Variants in CSNK1G1 observed in about 807,000 individuals in gnomAD.
CSNK1G1 encodes the protein casein kinase 1 gamma 1.
In CSNK1G1, 22 loss-of-function variants were observed where a neutral mutation model predicts 59.6. The observed-to-expected ratio is 0.37, with a 90% CI of 0.26 to 0.53. The LOEUF (loss-of-function observed/expected upper bound fraction) is 0.53, where lower values mean the gene tolerates loss of function less well. Among genes scored for constraint, CSNK1G1 ranks in the 20% least tolerant of loss-of-function variants. The pLI is 0.89. For synonymous variants in CSNK1G1, 179 were observed against 177.1 expected (o/e 1.01, Z -0.08); for missense variants, 384 against 519.5 (o/e 0.74, Z 2.54).
intron 1 of CSNK1G1, among the ~76,000 whole-genome samples, chr15:64,343,365 T>A (rs1002185106): frequency 6.6e-6 from 1 of 152,196 alleles, no homozygotes; most frequent in African/African-American, 2.4e-5. Flanking sequence ...TGTGCTGGCC[T>A]AGTACACTTT....
At chr15:64,187,795 C>G (rs1466813364) in intron 10 of CSNK1G1, among the ~76,000 whole-genome samples, 1 of 152,078 alleles carries the variant, frequency 6.6e-6, no homozygotes, top group Non-Finnish European at 1.5e-5. Flanking sequence ...TTAAGAGATA[C>G]CAGATGTTCT....
chr15:64,323,891 C>T (rs1566947773), intron 1 of CSNK1G1, among the ~76,000 whole-genome samples: 1 of 152,176 alleles, frequency 6.6e-6, no homozygotes, highest in Non-Finnish European at 1.5e-5. Flanking sequence ...AGACATGTCA[C>T]ATTGTAGAAC....
At chr15:64,177,155 T>G (rs1369611495) in intron 11 of CSNK1G1, among the ~76,000 whole-genome samples, 2 of 152,130 alleles carry the variant, frequency 1.3e-5, no homozygotes. Context: ...ACCTTTACAC[T>G]AAACAAGCTG....
At chr15:64,203,694 T>TAAAAAAAAAAAAAAA (rs531367701) in intron 9 of CSNK1G1, among the ~76,000 whole-genome samples, 2 of 56,178 alleles carry the variant, frequency 3.6e-5, no homozygotes, top group African/African-American at 1.5e-4. Context: ...TGAAACTCCG[T>TAAAAAAAAAAAAAAA]AAAAAAAAAA....
chr15:64,275,976 A>G (rs1427751428), intron 2 of CSNK1G1, among the ~76,000 whole-genome samples: 1 of 152,156 alleles, frequency 6.6e-6, no homozygotes, highest in East Asian at 1.9e-4. Context: ...CAGTGGCTGG[A>G]CTAGTTTCTA....
chr15:64,338,622 C>G (rs1897511311), intron 1 of CSNK1G1, among the ~76,000 whole-genome samples: 1 of 141,778 alleles, frequency 7.1e-6, no homozygotes, highest in South Asian at 2.3e-4. Context: ...ATCGCTTGAA[C>G]CTAGGAGGTG....
intron 1 of CSNK1G1, among the ~76,000 whole-genome samples, chr15:64,312,721 A>G (rs894122110): frequency 4.6e-5 from 7 of 152,250 alleles, no homozygotes; most frequent in Admixed American, 1.3e-4. Flanking sequence ...TAAAACGCCA[A>G]AAGCAATGGC....
In CSNK1G1 at chr15:64,167,206, A is replaced by G. The variant is rs1198216404; in HGVS notation, c.*4725T>C. ...CTGCTTGCTGGACAAAAGACTTTCA[A>G]GATTCCTTACTTGTGGCTAAAACAT... On this transcript the variant is annotated 3_prime_UTR_variant, in exon 12 of 12. Transcript: ENST00000303052. The G allele has an allele frequency of 6.6e-6, 1 of 152,216 alleles. No homozygotes were observed. Among genetic ancestry groups the G allele is most frequent in the Non-Finnish European group, 1.5e-5 (1 of 68,036 alleles). The allele number at this position is 152,216 out of a possible 1,614,324, so 9.4% of individuals were successfully genotyped here.
intron 4 of CSNK1G1, among the ~76,000 whole-genome samples, chr15:64,232,933 A>C (rs1322959439): frequency 6.6e-6 from 1 of 152,200 alleles, no homozygotes; most frequent in Non-Finnish European, 1.5e-5. Context: ...TTTCCAAGCA[A>C]GCTCCCACTG....
At chr15:64,294,863 G>C (rs1463543557) in intron 2 of CSNK1G1, among the ~76,000 whole-genome samples, 1 of 135,368 alleles carries the variant, frequency 7.4e-6, no homozygotes, top group Non-Finnish European at 1.5e-5. Flanking sequence ...AGTGAGCCAA[G>C]ATCGTGCCAT....
At chr15:64,172,822 G>T (rs975687535) in intron 11 of CSNK1G1, among the ~76,000 whole-genome samples, 2 of 152,146 alleles carry the variant, frequency 1.3e-5, no homozygotes, top group African/African-American at 2.4e-5. Context: ...GCTTCCTGGG[G>T]ACTAGCCACA....
chr15:64,241,399 C>T (rs978238731), intron 4 of CSNK1G1, among the ~76,000 whole-genome samples: 6 of 152,068 alleles, frequency 3.9e-5, no homozygotes, highest in African/African-American at 9.7e-5. Flanking sequence ...GATTCCAGTA[C>T]GATAATTGTT....
At chr15:64,277,886 T>C (rs1034489644) in intron 2 of CSNK1G1, among the ~76,000 whole-genome samples, 1 of 139,922 alleles carries the variant, frequency 7.1e-6, no homozygotes, top group African/African-American at 2.7e-5. Context: ...TATTGATATA[T>C]TTAATATATT....
rs2081654492 is a variant in CSNK1G1 at position 64,170,735 on chromosome 15, G to C, written c.*1196C>G. ...CACCAGGACGTCACATGGCTATCTA[G>C]TTGGAAGTCCCTGGCAGCATGGGAA... On this transcript the variant is annotated 3_prime_UTR_variant, in exon 12 of 12. Transcript: ENST00000303052. 1 of 152,566 alleles carries C rather than the reference G, an allele frequency of 6.6e-6. No individual in the cohort carries two copies. Among genetic ancestry groups the C allele is most frequent in the Non-Finnish European group, 1.5e-5 (1 of 68,042 alleles). 9.5% of individuals were successfully genotyped at this position (152,566 alleles called of 1,614,324 possible). A position where few individuals can be genotyped will look rare whatever the true frequency, so the allele number is the denominator to read the frequency against.
chr15:64,277,878 T>A (rs1315614052), intron 2 of CSNK1G1, among the ~76,000 whole-genome samples: 1 of 139,486 alleles, frequency 7.2e-6, no homozygotes, highest in African/African-American at 2.8e-5. Flanking sequence ...AATAATAATA[T>A]TGATATATTT....
rs2082157667 is a variant in CSNK1G1, at chr15:64,204,954, A to G, written c.766-5T>C. The G allele has an allele frequency of 9.2e-6, 14 of 1,523,948 alleles. No homozygotes were observed. The highest frequency in any genetic ancestry group is 1.3e-5 in the Non-Finnish European group (14 of 1,105,148). The allele number at this position is 1,523,948 out of a possible 1,614,324, so 94.4% of individuals were successfully genotyped here. A position where few individuals can be genotyped will look rare whatever the true frequency, so the allele number is the denominator to read the frequency against. ...TCTCTCTTTTAATGTGTCAGCCTGT[A>G]GAGAGTAAAGAGAGAAAGTTACTTT... is the stretch of plus-strand genomic sequence containing the variant. On this transcript the variant is annotated splice_region_variant and splice_polypyrimidine_tract_variant and intron_variant, in intron 7 of 11. Coordinates refer to ENST00000303052, the MANE Select transcript of CSNK1G1 (RefSeq NM_022048.5).
intron 1 of CSNK1G1, among the ~76,000 whole-genome samples, chr15:64,311,199 C>G (rs1027350477): frequency 6.6e-6 from 1 of 151,846 alleles, no homozygotes; most frequent in Non-Finnish European, 1.5e-5. Flanking sequence ...GCATGCACCA[C>G]CATGCCCAGC....
chr15:64,199,489 TA>T (rs1011475871), intron 10 of CSNK1G1, among the ~76,000 whole-genome samples: 1 of 152,176 alleles, frequency 6.6e-6, no homozygotes, highest in African/African-American at 2.4e-5. Flanking sequence ...CCTCATACTT[TA>T]AAAATCCATG....
intron 1 of CSNK1G1, among the ~76,000 whole-genome samples, chr15:64,325,145 A>G (rs148840769): frequency 1.5e-3 from 236 of 152,298 alleles, no homozygotes; most frequent in Non-Finnish European, 2.9e-3. Context: ...ACTTTTTCCT[A>G]TAATCATCCC....
Sources: allele counts gnomAD v4.1 joint callset (sites outside exome capture counted in the v4.1 genomes callset), GRCh38; gene constraint gnomAD v4.1.1; transcripts MANE v1.5; gene names NCBI Gene and HGNC (gene_info 2026-07-23, HGNC 2026-07-21).